Variants in TMTC2 observed in about 807,000 individuals in gnomAD.
TMTC2 encodes the protein protein O-mannosyl-transferase TMTC2.
In TMTC2, 43 loss-of-function variants were observed where a neutral mutation model predicts 82.4. The observed-to-expected ratio is 0.52, with a 90% CI of 0.41 to 0.67. The LOEUF is 0.67. Among genes scored for constraint, TMTC2 ranks in the 30% least tolerant of loss-of-function variants. TMTC2 has a pLI of 0.00. For missense variants in TMTC2, 919 were observed against 1,012.4 expected (o/e 0.91, Z 1.25); for synonymous variants, 408 against 381.9 (o/e 1.07, Z -0.80).
chr12:83,024,508 G>C lies in TMTC2; in HGVS notation c.2071-6290G>C, dbSNP rs118186668. 8.3e-3 allele frequency among the ~76,000 whole-genome samples: 1,269 copies of C among 152,262 alleles called. 11 individuals are homozygous for C. Among genetic ancestry groups the C allele is most frequent in the Non-Finnish European group, 0.014 (962 of 68,000 alleles). On this transcript the variant is annotated intron_variant, in intron 8 of 11. Transcript: ENST00000321196. Reference sequence around the variant, plus strand: ...TGAAAAATAACAGACACTCACTATTGTAAGAAATTCCCAAAGAGTAAACAC... The same window carrying C: ...TGAAAAATAACAGACACTCACTATTCTAAGAAATTCCCAAAGAGTAAACAC...
At chr12:82,830,280 C>T (rs1869676445) in intron 1 of TMTC2, among the ~76,000 whole-genome samples, 1 of 151,806 alleles carries the variant, frequency 6.6e-6, no homozygotes, top group African/African-American at 2.4e-5. Flanking sequence ...TGTTTCTGCC[C>T]AGCATAGTAG....
intron 8 of TMTC2, among the ~76,000 whole-genome samples, chr12:83,010,759 A>T (rs1462913451): frequency 6.6e-6 from 1 of 152,118 alleles, no homozygotes; most frequent in Non-Finnish European, 1.5e-5. Context: ...GATATGCCAT[A>T]TATTTTTATT....
At chr12:82,760,362 A>G (rs1592499076) in intron 1 of TMTC2, 1 of 151,230 alleles carries the variant, frequency 6.6e-6, no homozygotes, top group Admixed American at 6.6e-5. Context: ...AAAAATGCGT[A>G]TGTATCCTCA....
intron 8 of TMTC2, among the ~76,000 whole-genome samples, chr12:82,997,221 C>CTCTCTCTCTATATATATA (rs1451262969): frequency 1.0e-4 from 12 of 118,548 alleles, no homozygotes; most frequent in African/African-American, 4.4e-4. Flanking sequence ...CTCTCTCTCT[C>CTCTCTCTCTATATATATA]TATATATATA....
chr12:82,706,524 G>T (rs1298997256), intron 1 of TMTC2, among the ~76,000 whole-genome samples: 1 of 151,968 alleles, frequency 6.6e-6, no homozygotes, highest in African/African-American at 2.4e-5. Flanking sequence ...GTCTGAAGTG[G>T]GATAAAATCC....
At chr12:82,696,639 A>G (rs1038668307) in intron 1 of TMTC2, among the ~76,000 whole-genome samples, 2 of 151,896 alleles carry the variant, frequency 1.3e-5, no homozygotes, top group Admixed American at 1.3e-4. Flanking sequence ...TTTGTTCCAT[A>G]TTGAACAGAG....
chr12:82,907,710 G>A (rs1874398963), intron 3 of TMTC2, among the ~76,000 whole-genome samples: 1 of 152,072 alleles, frequency 6.6e-6, no homozygotes, highest in South Asian at 2.1e-4. Context: ...CTTAAAATTA[G>A]AGTTACTTTA....
intron 3 of TMTC2, among the ~76,000 whole-genome samples, chr12:82,922,519 T>C (rs532344441): frequency 6.6e-6 from 1 of 152,282 alleles, no homozygotes; most frequent in East Asian, 1.9e-4. Context: ...TCTTTCTCTT[T>C]TTTTTTCCCT....
At chr12:82,977,114 G>T (rs1364933903) in intron 7 of TMTC2, among the ~76,000 whole-genome samples, 1 of 151,946 alleles carries the variant, frequency 6.6e-6, no homozygotes, top group East Asian at 1.9e-4. Flanking sequence ...AAAAGTGGGA[G>T]AGGGAGTTTG....
chr12:83,003,760 G>C (rs73148436), intron 8 of TMTC2, among the ~76,000 whole-genome samples: 2,469 of 152,158 alleles, frequency 0.016, 35 homozygotes, highest in Middle Eastern at 0.082. Flanking sequence ...CTTCTGGCTT[G>C]TAACGTTACT....
rs1316457095 is a variant in TMTC2, at chr12:82,687,286, C to T, written c.-301C>T. 1 of 478,120 alleles carries T rather than the reference C, an allele frequency of 2.1e-6. No homozygotes were observed. The highest frequency in any genetic ancestry group is 3.5e-5 in the Admixed American group (1 of 28,230). 29.6% of individuals were successfully genotyped at this position (478,120 alleles called of 1,614,324 possible). A position where few individuals can be genotyped will look rare whatever the true frequency, so the allele number is the denominator to read the frequency against. On this transcript the variant is annotated 5_prime_UTR_variant, in exon 1 of 12. Coordinates refer to ENST00000321196, the MANE Select transcript of TMTC2 (RefSeq NM_152588.3). Reference sequence around the variant, plus strand: ...GGGGATCGCGACCCGCGCGAAAGACCAGCCCTGCGCTTCCGCCGGGGGACG... The same window carrying T: ...GGGGATCGCGACCCGCGCGAAAGACTAGCCCTGCGCTTCCGCCGGGGGACG...
chr12:82,947,149 C>T (rs371501401), intron 4 of TMTC2, among the ~76,000 whole-genome samples: 2 of 152,064 alleles, frequency 1.3e-5, no homozygotes, highest in South Asian at 4.1e-4. Context: ...CTAAGGACAG[C>T]CTTTAAAAGA....
chr12:83,004,608 T>G (rs1454910336), intron 8 of TMTC2, among the ~76,000 whole-genome samples: 2 of 152,016 alleles, frequency 1.3e-5, no homozygotes, highest in Non-Finnish European at 2.9e-5. Context: ...GAGATATGTA[T>G]CTATTCATTT....
chr12:83,124,788 A>G (rs1885055819), intron 11 of TMTC2, among the ~76,000 whole-genome samples: 1 of 152,140 alleles, frequency 6.6e-6, no homozygotes, highest in Non-Finnish European at 1.5e-5. Context: ...TTCTATAGTC[A>G]TAAATCAAAA....
chr12:82,961,109 C>T (rs1219875507), intron 4 of TMTC2, among the ~76,000 whole-genome samples: 1 of 151,398 alleles, frequency 6.6e-6, no homozygotes, highest in East Asian at 1.9e-4. Context: ...TAATATCCTA[C>T]CTCTTAAGAT....
intron 2 of TMTC2, among the ~76,000 whole-genome samples, chr12:82,888,480 G>C (rs73360267): frequency 0.02 from 3,003 of 152,162 alleles, 107 homozygotes; most frequent in African/African-American, 0.068. Flanking sequence ...AAGAGATGAG[G>C]TCTCGCTATG....
At chr12:82,802,061 C>A (rs551899674) in intron 1 of TMTC2, among the ~76,000 whole-genome samples, 207 of 152,120 alleles carry the variant, frequency 1.4e-3, no homozygotes, top group Non-Finnish European at 2.6e-3. Context: ...CTTGGGTGGT[C>A]GATGGAACTG....
intron 11 of TMTC2, among the ~76,000 whole-genome samples, chr12:83,079,209 T>G (rs1883382952): frequency 6.6e-6 from 1 of 152,044 alleles, no homozygotes; most frequent in Admixed American, 6.6e-5. Flanking sequence ...CATTATCTAC[T>G]TAAGTGTTTA....
At chr12:82,849,083 A>G (rs1205349044) in intron 1 of TMTC2, among the ~76,000 whole-genome samples, 3 of 152,102 alleles carry the variant, frequency 2.0e-5, no homozygotes, top group Admixed American at 6.5e-5. Context: ...AAGGTTGTTT[A>G]TTATGGTAAG....
Sources: gnomAD v4.1 joint callset for allele counts (sites outside exome capture counted in the v4.1 genomes callset) on GRCh38, gnomAD v4.1.1 for gene constraint, MANE v1.5 for transcripts, NCBI Gene and HGNC (gene_info 2026-07-23, HGNC 2026-07-21) for gene names.